The following EYS variants were observed in gnomAD, a reference collection of about 807,000 sequenced individuals.
The protein encoded by EYS is EGF-like photoreceptor maintenance factor, also known as protein eyes shut homolog.
EYS carries 250 observed loss-of-function variants against 282.1 expected under a neutral mutation model. The observed-to-expected ratio is 0.89, with a 90% CI of 0.80 to 0.98. EYS has a LOEUF of 0.98. Among genes scored for constraint, EYS ranks in the 50% least tolerant of loss-of-function variants. EYS has a pLI of 0.00. For missense variants in EYS, 4,016 were observed against 3,709.0 expected, an observed-to-expected ratio of 1.08 and a Z score of -2.15; for synonymous variants, 1,355 against 1,282.9, an observed-to-expected ratio of 1.06 and a Z score of -1.20.
intron 12 of EYS, among the ~76,000 whole-genome samples, chr6:65,294,786 ATATC>A: frequency 6.6e-6 from 1 of 152,036 alleles, no homozygotes; most frequent in Middle Eastern, 3.4e-3. Flanking sequence ...GAAATGATAT[ATATC>A]TATTTTCTAA....
intron 34 of EYS, among the ~76,000 whole-genome samples, chr6:63,989,978 A>G (rs1234033485): frequency 2.0e-5 from 3 of 151,554 alleles, no homozygotes; most frequent in African/African-American, 7.3e-5. Flanking sequence ...AAGGCTTTCT[A>G]GGCTAGGAAA....
chr6:65,281,258 C>T (rs1768213610), intron 12 of EYS, among the ~76,000 whole-genome samples: 1 of 151,866 alleles, frequency 6.6e-6, no homozygotes, highest in African/African-American at 2.4e-5. Flanking sequence ...TATTCAACTA[C>T]TCTTATTAGA....
At chr6:65,589,790 A>G (rs1248161957) in intron 2 of EYS, among the ~76,000 whole-genome samples, 3 of 151,896 alleles carry the variant, frequency 2.0e-5, no homozygotes, top group African/African-American at 7.2e-5. Flanking sequence ...TTTTCCTGAC[A>G]TTTCTATTTT....
intron 26 of EYS, among the ~76,000 whole-genome samples, chr6:64,481,518 T>TCA (rs201568230): frequency 7.4e-4 from 99 of 133,300 alleles, no homozygotes; most frequent in African/African-American, 2.4e-3. Flanking sequence ...TTTTGTTTTC[T>TCA]CACACACACA....
At chr6:64,288,496 GC>G (rs1379542863) in intron 30 of EYS, among the ~76,000 whole-genome samples, 1 of 151,914 alleles carries the variant, frequency 6.6e-6, no homozygotes, top group Non-Finnish European at 1.5e-5. Context: ...TTCTTTCTTT[GC>G]TTTGAGCAAC....
intron 29 of EYS, among the ~76,000 whole-genome samples, chr6:64,312,017 C>T (rs1442994858): frequency 6.9e-6 from 1 of 144,380 alleles, no homozygotes; most frequent in Non-Finnish European, 1.5e-5. Context: ...ACCTGGAATG[C>T]CGGCGAGAAG....
intron 15 of EYS, among the ~76,000 whole-genome samples, chr6:64,925,755 G>A (rs1248294776): frequency 6.6e-6 from 1 of 152,076 alleles, no homozygotes; most frequent in Non-Finnish European, 1.5e-5. Context: ...CAGGTGGTGG[G>A]TTGGGTTGTA....
chr6:64,396,221 A>T (rs1185376067), intron 28 of EYS, among the ~76,000 whole-genome samples: 1 of 152,176 alleles, frequency 6.6e-6, no homozygotes, highest in African/African-American at 2.4e-5. Context: ...TAATGTTGGT[A>T]TACTGTGAAA....
intron 18 of EYS, among the ~76,000 whole-genome samples, chr6:64,893,346 G>C (rs1233886113): frequency 6.6e-6 from 1 of 151,900 alleles, no homozygotes; most frequent in Non-Finnish European, 1.5e-5. Flanking sequence ...AGAGAGAATA[G>C]AATAGATTAA....
intron 2 of EYS, among the ~76,000 whole-genome samples, chr6:65,548,454 C>A (rs1768474043): frequency 6.6e-6 from 1 of 152,154 alleles, no homozygotes. Flanking sequence ...TAACTGTAGA[C>A]TTCTGTAGAC....
At chr6:65,698,116 A>G (rs1769523439) in intron 1 of EYS, among the ~76,000 whole-genome samples, 1 of 152,116 alleles carries the variant, frequency 6.6e-6, no homozygotes, top group Admixed American at 6.5e-5. Flanking sequence ...TATTTCAAAT[A>G]CGGTATCTGG....
chr6:63,892,213 G>A (rs1237338718), intron 35 of EYS, among the ~76,000 whole-genome samples: 3 of 152,138 alleles, frequency 2.0e-5, no homozygotes, highest in East Asian at 1.9e-4. Flanking sequence ...TTTCTTCACA[G>A]AATTAGAAAA....
chr6:65,684,964 C>T (rs995841644), intron 1 of EYS, among the ~76,000 whole-genome samples: 1 of 151,916 alleles, frequency 6.6e-6, no homozygotes, highest in Non-Finnish European at 1.5e-5. Flanking sequence ...CAATGTTTAA[C>T]TCCAACTTAT....
chr6:64,747,814 GCACAGAATTA>G (rs1459263863), intron 22 of EYS, among the ~76,000 whole-genome samples: 8 of 152,174 alleles, frequency 5.3e-5, no homozygotes, highest in Admixed American at 1.3e-4. Flanking sequence ...TAGGGTTTGT[GCACAGAATTA>G]GAATGACCTT....
At chr6:64,856,034 C>T (rs1766047352) in intron 19 of EYS, among the ~76,000 whole-genome samples, 1 of 151,982 alleles carries the variant, frequency 6.6e-6, no homozygotes, top group African/African-American at 2.4e-5. Context: ...TGTTGGGCTT[C>T]CAGCTTTCAA....
intron 30 of EYS, among the ~76,000 whole-genome samples, chr6:64,274,943 A>G (rs1185307480): frequency 6.6e-6 from 1 of 152,192 alleles, no homozygotes; most frequent in East Asian, 1.9e-4. Context: ...ACAATGCCAC[A>G]AAGAGCTCTG....
chr6:65,670,945 T>A (rs1337591312), intron 1 of EYS, among the ~76,000 whole-genome samples: 1 of 152,016 alleles, frequency 6.6e-6, no homozygotes, highest in Non-Finnish European at 1.5e-5. Context: ...TAACAACCCA[T>A]CTTTTAAAGC....
At chr6:65,368,686 A>G (rs1765014272) in intron 8 of EYS, among the ~76,000 whole-genome samples, 1 of 151,778 alleles carries the variant, frequency 6.6e-6, no homozygotes, top group African/African-American at 2.4e-5. Flanking sequence ...TCATAGAACT[A>G]GAAAAACAGT....
chr6:65,513,768 T>G (rs1307434048), intron 2 of EYS, among the ~76,000 whole-genome samples: 2 of 151,878 alleles, frequency 1.3e-5, no homozygotes, highest in African/African-American at 4.8e-5. Flanking sequence ...TCTCAATAAA[T>G]TAGGTATTGA....
Sources: allele counts gnomAD v4.1 joint callset (sites outside exome capture counted in the v4.1 genomes callset), GRCh38; gene constraint gnomAD v4.1.1; transcripts MANE v1.5; gene names NCBI Gene and HGNC (gene_info 2026-07-23, HGNC 2026-07-21).